Variants in SGMS2 observed in about 807,000 individuals in gnomAD.
SGMS2 encodes phosphatidylcholine:ceramide cholinephosphotransferase 2.
SGMS2 carries 21 observed loss-of-function variants against 43.8 expected under a neutral mutation model. The ratio of observed to expected loss-of-function variants is 0.48; its 90% CI spans 0.34 to 0.69. SGMS2 has a LOEUF of 0.69. SGMS2 is among the 30% of genes least tolerant of loss of function. The pLI is 0.01. For missense variants in SGMS2, 384 were observed against 443.2 expected, an observed-to-expected ratio of 0.87 and a Z score of 1.20; for synonymous variants, 167 against 160.6, an observed-to-expected ratio of 1.04 and a Z score of -0.30.
At chr4:107,899,001 G>C (rs1363086448) in intron 3 of SGMS2, among the ~76,000 whole-genome samples, 2 of 152,116 alleles carry the variant, frequency 1.3e-5, no homozygotes, top group Middle Eastern at 3.2e-3. Flanking sequence ...TCTAGTCATA[G>C]AGAAAATAGT....
At chr4:107,906,459 G>GT (rs1001224721) in intron 5 of SGMS2, among the ~76,000 whole-genome samples, 7 of 151,996 alleles carry the variant, frequency 4.6e-5, no homozygotes, top group South Asian at 2.1e-4. Flanking sequence ...TTGGTTTTTT[G>GT]TTTTTTCACC....
chr4:107,845,041 C>T (rs751876967), intron 1 of SGMS2, among the ~76,000 whole-genome samples: 1 of 152,092 alleles, frequency 6.6e-6, no homozygotes, highest in Non-Finnish European at 1.5e-5. Flanking sequence ...AGGGGCAAGC[C>T]AGAGCCCATA....
intron 1 of SGMS2, among the ~76,000 whole-genome samples, chr4:107,848,241 G>A (rs1726943454): frequency 6.6e-6 from 1 of 152,074 alleles, no homozygotes; most frequent in Non-Finnish European, 1.5e-5. Flanking sequence ...TTTGTAGTTT[G>A]AAATAGCTCA....
At chr4:107,899,049 CAAA>C (rs1730906823) in intron 3 of SGMS2, among the ~76,000 whole-genome samples, 1 of 152,138 alleles carries the variant, frequency 6.6e-6, no homozygotes, top group Admixed American at 6.5e-5. Context: ...AGATGGTCCT[CAAA>C]TAAACCCTGC....
intron 1 of SGMS2, among the ~76,000 whole-genome samples, chr4:107,826,595 T>G (rs1246004379): frequency 6.6e-6 from 1 of 152,162 alleles, no homozygotes; most frequent in Non-Finnish European, 1.5e-5. Flanking sequence ...AAATTTCCTC[T>G]TTATGGCCCT....
In SGMS2 at chr4:107,899,577, C is replaced by T; in HGVS notation, c.458C>T (p.Ser153Leu). ...ITQWLFLRYK[S>L]IVGRRFCFII... ...CCCATCCCTATTTTTTCTTTTAGGT[C>T]AATAGTGGGACGCAGATTCTGTTTT... The change falls in exon 4 of 7, where the codon TCA (serine) becomes TTA (leucine). Residue 153 changes from serine (S) to leucine (L), a missense_variant and splice_region_variant. Physicochemically the swap from Ser to Leu is moderately radical, Grantham distance 145. Transcript: ENST00000690982. 6.2e-7 allele frequency: 1 copy of T among 1,604,746 alleles called. No homozygotes were observed. The highest frequency in any genetic ancestry group is 1.7e-5 in the Admixed American group (1 of 58,194).
At chr4:107,877,102 C>A (rs78960241) in intron 2 of SGMS2, among the ~76,000 whole-genome samples, 5,293 of 151,870 alleles carry the variant, frequency 0.035, 127 homozygotes, top group Non-Finnish European at 0.05. Context: ...GAGTATGAGA[C>A]CAGCCTGGGG....
Position 107,902,731 on chromosome 4 carries a change from G to A in SGMS2, c.574-502G>A, listed in dbSNP as rs1257090430. Among the ~76,000 whole-genome samples, 6 of 152,174 alleles carry A rather than the reference G, an allele frequency of 3.9e-5. No homozygotes were observed. In the East Asian group the frequency reaches 9.7e-4, roughly 24 times the overall value. ...ACCTATTTAAATTATTTAATGAGTT[G>A]CAACTCCTCTTCTTAATTGTAAATG... On this transcript the variant is annotated intron_variant, in intron 4 of 6. Coordinates refer to ENST00000690982, the MANE Select transcript of SGMS2 (RefSeq NM_001375905.1).
chr4:107,897,766 A>G lies in SGMS2; in HGVS notation c.455+1758A>G, dbSNP rs145809459. On this transcript the variant is annotated intron_variant, in intron 3 of 6. Transcript: ENST00000690982. ...GTTTGCCTTTTTACATTTGAAGTAG[A>G]ATTGGATCTTACATTTTAGTAACTA... Among the ~76,000 whole-genome samples the G allele has an allele frequency of 2.9e-3, 440 of 152,292 alleles. 2 individuals are homozygous for G. Among genetic ancestry groups the G allele is most frequent in the African/African-American group, 0.01 (419 of 41,572 alleles).
intron 2 of SGMS2, among the ~76,000 whole-genome samples, chr4:107,892,234 CA>C (rs34353350): frequency 0.49 from 36,920 of 75,232 alleles, 6,463 homozygotes; most frequent in East Asian, 0.67. Context: ...ACTAAAACTC[CA>C]AAAAAAAAAA....
At chr4:107,890,444 G>A (rs1730109266) in intron 2 of SGMS2, among the ~76,000 whole-genome samples, 1 of 152,152 alleles carries the variant, frequency 6.6e-6, no homozygotes, top group Non-Finnish European at 1.5e-5. Flanking sequence ...GGAGGCCAAG[G>A]CAGGTGGATC....
rs1243577208 is a variant in SGMS2, at chr4:107,848,452, TC to T, written c.-326-10019del. On this transcript the variant is annotated intron_variant, in intron 1 of 6. Coordinates refer to ENST00000690982, the MANE Select transcript of SGMS2 (RefSeq NM_001375905.1). Reference sequence around the variant, plus strand: ...AATACCAAGGAGAACTATTGCCTTGTCACATGCTAAGACTCTGTTTAGTTTT... The same window carrying T: ...AATACCAAGGAGAACTATTGCCTTGTACATGCTAAGACTCTGTTTAGTTTT... 2.0e-5 allele frequency among the ~76,000 whole-genome samples: 3 copies of T among 152,272 alleles called. No individual in the cohort carries two copies. In the East Asian group the frequency reaches 5.8e-4, roughly 29 times the overall value.
At chr4:107,869,964 G>A (rs1728436899) in intron 2 of SGMS2, among the ~76,000 whole-genome samples, 1 of 152,062 alleles carries the variant, frequency 6.6e-6, no homozygotes, top group African/African-American at 2.4e-5. Context: ...AGAGAGGAAG[G>A]GAGTGCTGCA....
intron 1 of SGMS2, among the ~76,000 whole-genome samples, chr4:107,841,962 T>A (rs186206938): frequency 0.044 from 6,221 of 140,180 alleles, 428 homozygotes; most frequent in African/African-American, 0.14. Flanking sequence ...TTTAAAAAAA[T>A]TTTTTTTTAA....
chr4:107,883,991 T>A (rs955817162), intron 2 of SGMS2, among the ~76,000 whole-genome samples: 7 of 152,236 alleles, frequency 4.6e-5, no homozygotes, highest in Admixed American at 3.9e-4. Flanking sequence ...CTTGTTAGAT[T>A]CTAGTCTTGC....
At chr4:107,871,525 C>T (rs1728556203) in intron 2 of SGMS2, among the ~76,000 whole-genome samples, 1 of 152,096 alleles carries the variant, frequency 6.6e-6, no homozygotes. Context: ...CCAGCTTTCT[C>T]TTCTGCCGCC....
intron 2 of SGMS2, among the ~76,000 whole-genome samples, chr4:107,866,674 A>T (rs1388583449): frequency 6.6e-6 from 1 of 152,136 alleles, no homozygotes; most frequent in Non-Finnish European, 1.5e-5. Context: ...AGATCATATG[A>T]TGGTTAGTAC....
chr4:107,895,108 A>G (rs892737990), intron 2 of SGMS2, among the ~76,000 whole-genome samples: 12 of 152,222 alleles, frequency 7.9e-5, no homozygotes, highest in Non-Finnish European at 1.5e-5. Flanking sequence ...TACTAGCTCA[A>G]AAAGAGACAA....
At chr4:107,859,095 TA>T (rs1349705333) in intron 2 of SGMS2, among the ~76,000 whole-genome samples, 1 of 152,238 alleles carries the variant, frequency 6.6e-6, no homozygotes, top group African/African-American at 2.4e-5. Context: ...GTTGAAGCAG[TA>T]CAACTCAATT....
Sources: allele counts gnomAD v4.1 joint callset (sites outside exome capture counted in the v4.1 genomes callset), GRCh38; gene constraint gnomAD v4.1.1; transcripts MANE v1.5; gene names NCBI Gene and HGNC (gene_info 2026-07-23, HGNC 2026-07-21).